CDH13: variants seen among roughly 807,000 people sequenced by gnomAD.
CDH13 encodes cadherin 13, also known as cadherin-13.
A neutral mutation model predicts 63.8 loss-of-function variants in CDH13; 24 were observed. That is an observed-to-expected ratio of 0.38 (90% confidence interval 0.27 to 0.53). The LOEUF (loss-of-function observed/expected upper bound fraction) is 0.53, where lower values mean the gene tolerates loss of function less well. Ranked by LOEUF, CDH13 falls within the 20% of genes least tolerant of loss-of-function variation. The pLI, the probability that CDH13 is intolerant of heterozygous loss-of-function variation, is 0.85. For missense variants in CDH13, 1,049 were observed against 903.1 expected, an observed-to-expected ratio of 1.16 and a Z score of -2.07; for synonymous variants, 503 against 355.3, an observed-to-expected ratio of 1.42 and a Z score of -4.67.
intron 10 of CDH13, among the ~76,000 whole-genome samples, chr16:83,679,678 G>T (rs1446797284): frequency 6.6e-6 from 1 of 152,148 alleles, no homozygotes; most frequent in Admixed American, 6.5e-5. Flanking sequence ...AAACATCAAA[G>T]AGAGAGTCTT....
chr16:82,915,851 A>C (rs535127676), intron 2 of CDH13, among the ~76,000 whole-genome samples: 1 of 149,798 alleles, frequency 6.7e-6, no homozygotes, highest in East Asian at 2.0e-4. Context: ...TTGGCATACT[A>C]GACCATCAGA....
intron 1 of CDH13, chr16:82,844,793 C>G (rs1438231120): frequency 7.7e-6 from 1 of 130,268 alleles, no homozygotes; most frequent in African/African-American, 2.7e-5. Flanking sequence ...GCGCCCGCCA[C>G]CAAGCCCTGC....
At chr16:82,700,055 A>G (rs574532387) in intron 1 of CDH13, among the ~76,000 whole-genome samples, 1 of 148,748 alleles carries the variant, frequency 6.7e-6, no homozygotes, top group South Asian at 2.1e-4. Flanking sequence ...GGTCTTTACT[A>G]GGGTGACACA....
intron 4 of CDH13, among the ~76,000 whole-genome samples, chr16:83,204,196 T>G (rs1322466749): frequency 5.3e-5 from 8 of 152,206 alleles, no homozygotes; most frequent in Admixed American, 1.3e-4. Flanking sequence ...CCTACCCAAC[T>G]CAGGACACGC....
At chr16:83,146,248 AG>A (rs1385486834) in intron 4 of CDH13, among the ~76,000 whole-genome samples, 1 of 152,110 alleles carries the variant, frequency 6.6e-6, no homozygotes, top group Non-Finnish European at 1.5e-5. Context: ...GCAGGAAGAA[AG>A]GAAAGAAGAA....
Position 82,797,771 on chromosome 16 carries a change from G to A in CDH13, c.46-60591G>A, listed in dbSNP as rs111504744. ...TACAAGGGCCCATGTATGACTTTAG[G>A]GCCGTGTGTGTGTGTGTGTGTGTGT... On this transcript the variant is annotated intron_variant, in intron 1 of 13. Coordinates refer to ENST00000567109, the MANE Select transcript of CDH13 (RefSeq NM_001257.5). Among the ~76,000 whole-genome samples, 28 of 140,912 alleles carry A rather than the reference G, an allele frequency of 2.0e-4. 2 individuals carry two copies. Among genetic ancestry groups the A allele is most frequent in the African/African-American group, 7.1e-4 (26 of 36,762 alleles). The allele number at this position is 140,912 out of a possible 152,430, so 92.4% of individuals were successfully genotyped here.
At chr16:83,189,556 C>T (rs1354070194) in intron 4 of CDH13, among the ~76,000 whole-genome samples, 1 of 152,120 alleles carries the variant, frequency 6.6e-6, no homozygotes, top group Non-Finnish European at 1.5e-5. Flanking sequence ...TCATTGACTC[C>T]CATAGTCAGG....
intron 4 of CDH13, among the ~76,000 whole-genome samples, chr16:83,140,750 C>T (rs999073289): frequency 1.3e-5 from 2 of 152,176 alleles, no homozygotes; most frequent in Non-Finnish European, 2.9e-5. Context: ...CCGCTGCACC[C>T]GGCCGATCTG....
intron 6 of CDH13, among the ~76,000 whole-genome samples, chr16:83,408,998 AGAGT>A (rs1043337698): frequency 2.6e-5 from 4 of 152,194 alleles, no homozygotes; most frequent in African/African-American, 4.8e-5. Context: ...TGGCTGAATC[AGAGT>A]GAGTGAGTGG....
chr16:83,630,154 G>A (rs1910650357), intron 8 of CDH13, among the ~76,000 whole-genome samples: 1 of 152,074 alleles, frequency 6.6e-6, no homozygotes, highest in African/African-American at 2.4e-5. Flanking sequence ...ATTTTCTGAT[G>A]GTGTGAGATC....
chr16:83,512,332 A>ATAAC (rs1262155776), intron 7 of CDH13, among the ~76,000 whole-genome samples: 1 of 140,480 alleles, frequency 7.1e-6, no homozygotes, highest in African/African-American at 2.7e-5. Flanking sequence ...AAATAAATAA[A>ATAAC]TAAATAAATA....
chr16:82,865,429 C>G (rs1186617455), intron 2 of CDH13, among the ~76,000 whole-genome samples: 1 of 152,230 alleles, frequency 6.6e-6, no homozygotes, highest in African/African-American at 2.4e-5. Flanking sequence ...CAGAAGTTCC[C>G]ACACCTCAAT....
intron 7 of CDH13, among the ~76,000 whole-genome samples, chr16:83,507,922 C>G (rs1244785648): frequency 6.6e-6 from 1 of 151,394 alleles, no homozygotes; most frequent in Non-Finnish European, 1.5e-5. Flanking sequence ...ATTCCAGCTA[C>G]TCAGGAGGCT....
At chr16:83,277,126 A>G (rs1356190787) in intron 5 of CDH13, among the ~76,000 whole-genome samples, 2 of 152,192 alleles carry the variant, frequency 1.3e-5, no homozygotes, top group Admixed American at 6.5e-5. Flanking sequence ...TACCTGTTAC[A>G]AAATGGGCAC....
intron 10 of CDH13, among the ~76,000 whole-genome samples, chr16:83,695,779 AC>A: frequency 6.6e-6 from 1 of 152,332 alleles, no homozygotes; most frequent in East Asian, 1.9e-4. Flanking sequence ...AATACTTCGG[AC>A]ACAACTGTGA....
chr16:82,812,778 CTTTT>C (rs1220954162), intron 1 of CDH13, among the ~76,000 whole-genome samples: 1 of 151,052 alleles, frequency 6.6e-6, no homozygotes, highest in African/African-American at 2.4e-5. Context: ...TTTTTTCTTT[CTTTT>C]TTATTTCCTT....
chr16:82,771,100 A>G (rs1261362423), intron 1 of CDH13, among the ~76,000 whole-genome samples: 4 of 152,214 alleles, frequency 2.6e-5, no homozygotes, highest in Non-Finnish European at 4.4e-5. Flanking sequence ...ACTATACTTC[A>G]TAAACCCTTT....
chr16:83,694,209 C>T (rs927900845), intron 10 of CDH13, among the ~76,000 whole-genome samples: 1 of 152,222 alleles, frequency 6.6e-6, no homozygotes, highest in Non-Finnish European at 1.5e-5. Flanking sequence ...ACAAAGAGAA[C>T]AGCTGAGTTC....
intron 1 of CDH13, among the ~76,000 whole-genome samples, chr16:82,832,326 G>T (rs1321489996): frequency 1.3e-5 from 2 of 152,070 alleles, no homozygotes; most frequent in Non-Finnish European, 2.9e-5. Context: ...CAATATCTAA[G>T]CTTGATTTTC....
Sources: gnomAD v4.1 joint callset for allele counts (sites outside exome capture counted in the v4.1 genomes callset) on GRCh38, gnomAD v4.1.1 for gene constraint, MANE v1.5 for transcripts, NCBI Gene and HGNC (gene_info 2026-07-23, HGNC 2026-07-21) for gene names.